The following GPRC5C variants were observed in gnomAD, a reference collection of about 807,000 sequenced individuals.
The protein encoded by GPRC5C is G protein-coupled receptor family C group 5 member C.
In GPRC5C, 22 loss-of-function variants were observed where a neutral mutation model predicts 31.4. That is an observed-to-expected ratio of 0.70 (90% CI 0.50 to 1.00). GPRC5C has a LOEUF of 1.00. Ranked by LOEUF, GPRC5C falls within the 50% of genes least tolerant of loss-of-function variation. The pLI is 0.00. For synonymous variants in GPRC5C, 249 were observed against 257.5 expected (o/e 0.97, Z 0.32); for missense variants, 557 against 597.2 (o/e 0.93, Z 0.70).
At chr17:74,447,906 G>T (rs945495897), downstream of GPRC5C, among the ~76,000 whole-genome samples, 1 of 152,246 alleles carries the variant, frequency 6.6e-6, no homozygotes, top group Non-Finnish European at 1.5e-5. Flanking sequence ...CGTGTGATAC[G>T]TGCAAAGGAA....
intron 1 of GPRC5C, among the ~76,000 whole-genome samples, chr17:74,438,235 ATAT>A (rs2055469133): frequency 8.7e-6 from 1 of 114,944 alleles, no homozygotes; most frequent in African/African-American, 4.9e-5. Context: ...ATATATATAT[ATAT>A]ATATATATAT....
At chr17:74,449,036 C>T (rs1172541656), downstream of GPRC5C, 2 of 485,344 alleles carry the variant, frequency 4.1e-6, no homozygotes, top group East Asian at 7.0e-5. Flanking sequence ...GGAGCCTGCT[C>T]CTCCCAGGCT....
intron 1 of GPRC5C, among the ~76,000 whole-genome samples, chr17:74,436,485 T>G (rs1262151885): frequency 6.6e-6 from 1 of 152,188 alleles, no homozygotes; most frequent in Non-Finnish European, 1.5e-5. Flanking sequence ...CTCCTGCAGG[T>G]AAATTCCGTT....
chr17:74,446,073 C>T (rs997713252), intron 3 of GPRC5C: 1 of 144,132 alleles, frequency 6.9e-6, no homozygotes, highest in Non-Finnish European at 1.5e-5. Context: ...GATGTGTGGG[C>T]ACACCCAGAG....
At chr17:74,434,173 A>C (rs1212180287) in intron 1 of GPRC5C, among the ~76,000 whole-genome samples, 1 of 152,320 alleles carries the variant, frequency 6.6e-6, no homozygotes, top group African/African-American at 2.4e-5. Flanking sequence ...AGTGAAGCAA[A>C]AGGCCCTTTT....
Position 74,440,430 on chromosome 17 carries a change from G to A in GPRC5C, c.654G>A (p.Leu218=). The change falls in exon 2 of 4, where the codon CTG becomes CTA. Residue 218 remains leucine (L), a synonymous_variant. Coordinates refer to ENST00000392627, the MANE Select transcript of GPRC5C (RefSeq NM_022036.4). This position sits in a 1 kb window ranked among gnomAD's most constrained non-coding sequence, Gnocchi z 4.4. The stretch of plus-strand genomic sequence containing the variant: ...TCATGGCACTCATCTACGTCATGCT[G>A]CTGCTGCTGGGTGCCTTCCTGGGGG... The part of the protein sequence containing the change: ...DFVMALIYVM[L]LLLGAFLGAW... The A allele has an allele frequency of 8.7e-6, 14 of 1,613,928 alleles. No homozygotes were observed. Among genetic ancestry groups the A allele is most frequent in the African/African-American group, 2.7e-5 (2 of 75,060 alleles).
downstream of GPRC5C, chr17:74,449,669 C>T (rs1047059761): frequency 2.8e-5 from 7 of 248,218 alleles, no homozygotes; most frequent in Admixed American, 1.0e-4. Context: ...CCCCTCCCCC[C>T]AAATCATAGT....
downstream of GPRC5C, among the ~76,000 whole-genome samples, chr17:74,448,098 C>T (rs2055669486): frequency 6.6e-6 from 1 of 152,032 alleles, no homozygotes. Context: ...TGCTTGAGCC[C>T]AGGAGTTCCA....
chr17:74,432,195 C>G, intron 1 of GPRC5C, 54 bp downstream of exon 1: 2 of 1,576,592 alleles, frequency 1.3e-6, no homozygotes, highest in Non-Finnish European at 1.7e-6. Context: ...AAACGGAGCG[C>G]ACGTACCTGG....
chr17:74,432,334 C>A, intron 1 of GPRC5C, 193 bp downstream of exon 1: 1 of 1,426,696 alleles, frequency 7.0e-7, no homozygotes, highest in Non-Finnish European at 9.1e-7. Flanking sequence ...AGCAACCCAG[C>A]GCGCCTGGCT....
At chr17:74,448,803 T>C (rs1308334873), downstream of GPRC5C, 2 of 1,111,046 alleles carry the variant, frequency 1.8e-6, no homozygotes, top group South Asian at 1.3e-5. Flanking sequence ...TCAGAGTAGT[T>C]CTACCGCCCC....
chr17:74,432,467 T>G (rs936011462), intron 1 of GPRC5C: 1,139 of 1,065,224 alleles, frequency 1.1e-3, no homozygotes, highest in Non-Finnish European at 1.2e-3. Context: ...GCCCCCCGCC[T>G]GGGGCTGGAG....
At position 74,446,916 on chromosome 17, in the gene GPRC5C, A is replaced by G. The variant is rs752575581; in HGVS notation, c.1214A>G (p.Asn405Ser). 6.8e-6 allele frequency: 11 copies of G among 1,614,026 alleles called. No individual in the cohort carries two copies. The highest frequency in any genetic ancestry group is 2.2e-5 in the East Asian group (1 of 44,876). ...AACAGCCAGGTGATGGGCAGTGCCA[A>G]CTCGACCCTGCGGGCTGAAGACATG... Reference protein sequence around the residue: ...TANSQVMGSANSTLRAEDMYS... With the variant: ...TANSQVMGSASSTLRAEDMYS... The change falls in exon 4 of 4, where the codon AAC becomes AGC. Residue 405 changes from asparagine (N) to serine (S), a missense_variant. Asn to Ser is a conservative substitution (Grantham distance 46). Transcript: ENST00000392627.
At chr17:74,438,026 C>CT (rs1205036945) in intron 1 of GPRC5C, among the ~76,000 whole-genome samples, 1 of 150,904 alleles carries the variant, frequency 6.6e-6, no homozygotes, top group Non-Finnish European at 1.5e-5. Flanking sequence ...TTTTCTTTTT[C>CT]TTTTCTTTTC....
At position 74,439,975 on chromosome 17, in the gene GPRC5C, C is replaced by T. The variant is rs1321374226; in HGVS notation, c.199C>T (p.Leu67Phe). ...GGCGGGCATTGTCACCACGTTTGTG[C>T]TCACCATCATCCTGGTGGCCAGCCT... ...AGAGIVTTFV[L>F]TIILVASLPF... The change falls in exon 2 of 4, where the codon CTC becomes TTC. Residue 67 changes from leucine (L) to phenylalanine (F), a missense_variant. Leu to Phe is a conservative substitution (Grantham distance 22). Transcript: ENST00000392627. The T allele has an allele frequency of 1.9e-6, 3 of 1,610,078 alleles. No individual in the cohort carries two copies. Among genetic ancestry groups the T allele is most frequent in the Admixed American group, 3.3e-5 (2 of 59,996 alleles).
intron 1 of GPRC5C, among the ~76,000 whole-genome samples, chr17:74,435,000 A>C (rs1400081451): frequency 6.6e-6 from 1 of 151,986 alleles, no homozygotes; most frequent in Non-Finnish European, 1.5e-5. Context: ...CGGGCGGATC[A>C]CGAGGTCAGG....
chr17:74,438,938 A>C (rs2055484101), intron 1 of GPRC5C, among the ~76,000 whole-genome samples: 1 of 152,216 alleles, frequency 6.6e-6, no homozygotes, highest in Non-Finnish European at 1.5e-5. Flanking sequence ...GCTGGTGTTA[A>C]TAAAAGCTAA....
intron 1 of GPRC5C, among the ~76,000 whole-genome samples, chr17:74,434,125 G>A (rs1031269065): frequency 1.3e-5 from 2 of 152,200 alleles, no homozygotes; most frequent in African/African-American, 4.8e-5. Flanking sequence ...GCCGATTTCG[G>A]AGGCGATTAA....
chr17:74,442,648 C>T (rs959518308), intron 2 of GPRC5C, among the ~76,000 whole-genome samples: 1 of 152,248 alleles, frequency 6.6e-6, no homozygotes, highest in Non-Finnish European at 1.5e-5. Context: ...CAGAGTCAGG[C>T]AGTGGAAGTT....
Sources: allele counts gnomAD v4.1 joint callset (sites outside exome capture counted in the v4.1 genomes callset), GRCh38; gene constraint gnomAD v4.1.1; non-coding constraint Gnocchi (gnomAD v3.1); transcripts MANE v1.5; gene names NCBI Gene and HGNC (gene_info 2026-07-23, HGNC 2026-07-21).